HIVEP2: variants seen among roughly 807,000 people sequenced by gnomAD.
HIVEP2 encodes transcription factor HIVEP2.
A neutral mutation model predicts 180.7 loss-of-function variants in HIVEP2; 14 were observed. The ratio of observed to expected loss-of-function variants is 0.08; its 90% CI spans 0.05 to 0.12. HIVEP2 has a LOEUF of 0.12. HIVEP2 is among the 10% of genes least tolerant of loss of function. The probability of loss-of-function intolerance (pLI) is 1.00; values close to 1 mark genes in which losing one functional copy is unlikely to be tolerated. For synonymous variants in HIVEP2, 1,184 were observed against 1,136.4 expected, an observed-to-expected ratio of 1.04 and a Z score of -0.84; for missense variants, 2,579 against 3,008.5, an observed-to-expected ratio of 0.86 and a Z score of 3.34.
intron 1 of HIVEP2, among the ~76,000 whole-genome samples, chr6:142,881,032 G>GT (rs1425490282): frequency 6.6e-6 from 1 of 152,044 alleles, no homozygotes. Context: ...GAGGAAATAA[G>GT]TTTTTATCTT....
chr6:142,880,774 T>C (rs1776559446), intron 1 of HIVEP2, among the ~76,000 whole-genome samples: 1 of 152,108 alleles, frequency 6.6e-6, no homozygotes, highest in African/African-American at 2.4e-5. Flanking sequence ...ATTCCCTCCA[T>C]CCATCAATGC....
chr6:142,803,270 T>C (rs897273423), intron 2 of HIVEP2, among the ~76,000 whole-genome samples: 1 of 152,150 alleles, frequency 6.6e-6, no homozygotes, highest in African/African-American at 2.4e-5. Flanking sequence ...AGGATCTCTT[T>C]ACTTTAGTGG....
chr6:142,879,449 C>T (rs928921472), intron 1 of HIVEP2, among the ~76,000 whole-genome samples: 5 of 152,196 alleles, frequency 3.3e-5, no homozygotes, highest in African/African-American at 7.2e-5. Flanking sequence ...TCTGAGCTCC[C>T]GTTATAATAA....
chr6:142,772,424 A>C lies in HIVEP2; in HGVS notation c.2315T>G (p.Leu772Arg). Residue 772 changes from leucine (L) to arginine (R), a missense_variant, in exon 5 of 10, where the codon CTT becomes CGT. By Grantham distance (102) the Leu-to-Arg change is moderately radical. Coordinates refer to ENST00000367603, the MANE Select transcript of HIVEP2 (RefSeq NM_006734.4). The surrounding 1 kb of genome is among the most constrained non-coding windows in gnomAD (Gnocchi z 4.9). ...RPQLQPGSPS[L>R]VSEESPSAID... ...GGCTGAAGGTGACTCCTCTGACACAAGAGATGGACTTCCAGGCTGCAGTTG... is the reference window on the plus strand; with the variant it reads ...GGCTGAAGGTGACTCCTCTGACACACGAGATGGACTTCCAGGCTGCAGTTG... 1 of 1,614,224 alleles carries C rather than the reference A, an allele frequency of 6.2e-7. No individual in the cohort carries two copies. Among genetic ancestry groups the C allele is most frequent in the South Asian group, 1.1e-5 (1 of 91,090 alleles).
At chr6:142,887,877 G>T (rs1776744586) in intron 1 of HIVEP2, among the ~76,000 whole-genome samples, 1 of 151,436 alleles carries the variant, frequency 6.6e-6, no homozygotes, top group African/African-American at 2.4e-5. Context: ...GTAATCACCT[G>T]GTCACTAAAT....
chr6:142,838,441 C>A (rs1193516221), intron 1 of HIVEP2, among the ~76,000 whole-genome samples: 1 of 152,120 alleles, frequency 6.6e-6, no homozygotes, highest in African/African-American at 2.4e-5. Flanking sequence ...AATCAACAAA[C>A]ACAATCACCT....
Position 142,764,937 on chromosome 6 carries a change from G to A in HIVEP2, c.5380C>T (p.Arg1794Cys), listed in dbSNP as rs762868060. Reference sequence around the variant, plus strand: ...TCACAAATGTACTTTCCCCGGCCACGTCCTCTGACATATACATAATCTTCA... The same window carrying A: ...TCACAAATGTACTTTCCCCGGCCACATCCTCTGACATATACATAATCTTCA... ...SNEDYVYVRG[R>C]GRGKYICEEC... Residue 1794 changes from arginine to cysteine, a missense_variant, in exon 7 of 10, where the codon CGT (arginine) becomes TGT (cysteine). Arg to Cys is a radical substitution (Grantham distance 180, BLOSUM62 -3). Around this residue, in one of 11 missense-constraint regions of HIVEP2, gnomAD observed 21 missense variants for 86.8 expected, o/e 0.24. Transcript: ENST00000367603. 2.5e-6 allele frequency: 4 copies of A among 1,613,656 alleles called. No homozygotes were observed. Among genetic ancestry groups the A allele is most frequent in the Non-Finnish European group, 3.4e-6 (4 of 1,179,698 alleles).
chr6:142,933,176 A>G (rs1777980399), intron 1 of HIVEP2, among the ~76,000 whole-genome samples: 1 of 152,204 alleles, frequency 6.6e-6, no homozygotes. Flanking sequence ...GCATGTTCCA[A>G]AAGAACCTCA....
intron 1 of HIVEP2, among the ~76,000 whole-genome samples, chr6:142,864,052 A>C (rs1582923619): frequency 6.6e-6 from 1 of 152,126 alleles, no homozygotes; most frequent in African/African-American, 2.4e-5. Flanking sequence ...CTTTGCCCCT[A>C]CCATTGGAAA....
At chr6:142,822,165 C>T (rs556453733) in intron 2 of HIVEP2, among the ~76,000 whole-genome samples, 72 of 152,288 alleles carry the variant, frequency 4.7e-4, no homozygotes, top group African/African-American at 1.7e-3. Context: ...TGCAGTAAAA[C>T]ACAGGATTTC....
chr6:142,920,318 C>G (rs1488138780), intron 1 of HIVEP2, among the ~76,000 whole-genome samples: 1 of 152,184 alleles, frequency 6.6e-6, no homozygotes, highest in Non-Finnish European at 1.5e-5. Context: ...TCCAAAGGTT[C>G]GGCATGCAGA....
intron 1 of HIVEP2, among the ~76,000 whole-genome samples, chr6:142,853,917 A>G (rs570427322): frequency 2.0e-5 from 3 of 152,308 alleles, no homozygotes; most frequent in South Asian, 4.1e-4. Flanking sequence ...CCTAGAATTG[A>G]GGGCAAGAGA....
At chr6:142,805,220 G>A (rs1269286118) in intron 2 of HIVEP2, among the ~76,000 whole-genome samples, 1 of 152,128 alleles carries the variant, frequency 6.6e-6, no homozygotes, top group Non-Finnish European at 1.5e-5. Flanking sequence ...AAAGGAGCCA[G>A]GAGGGCCTGG....
rs774664770 is a variant in HIVEP2 at position 142,774,756 on chromosome 6, T to A, written c.-18A>T. ...GTGTCCATTTTGTTACACAAGGTCTTAAGTGCTAGTTCCCCTGAAAGCAGT... is the reference window on the plus strand; with the variant it reads ...GTGTCCATTTTGTTACACAAGGTCTAAAGTGCTAGTTCCCCTGAAAGCAGT... On this transcript the variant is annotated 5_prime_UTR_variant, in exon 5 of 10. Coordinates refer to ENST00000367603, the MANE Select transcript of HIVEP2 (RefSeq NM_006734.4). The surrounding 1 kb of genome is among the most constrained non-coding windows in gnomAD (Gnocchi z 5.1). The A allele has an allele frequency of 1.9e-6, 3 of 1,609,534 alleles. No homozygotes were observed. The highest frequency in any genetic ancestry group is 2.2e-5 in the South Asian group (2 of 90,350).
intron 1 of HIVEP2, among the ~76,000 whole-genome samples, chr6:142,880,322 C>T (rs1411451280): frequency 2.6e-5 from 4 of 152,206 alleles, no homozygotes; most frequent in Middle Eastern, 3.4e-3. Context: ...TTGCACCCTC[C>T]CCCAGATGGT....
chr6:142,836,546 T>C (rs901112735), intron 2 of HIVEP2, among the ~76,000 whole-genome samples: 1 of 152,162 alleles, frequency 6.6e-6, no homozygotes, highest in Non-Finnish European at 1.5e-5. Context: ...GCTAATTTAC[T>C]TCAAATGTTC....
At chr6:142,883,201 G>T (rs1004805567) in intron 1 of HIVEP2, among the ~76,000 whole-genome samples, 1 of 152,014 alleles carries the variant, frequency 6.6e-6, no homozygotes, top group Non-Finnish European at 1.5e-5. Context: ...GAGAGAGAAA[G>T]GGGGGAAAAG....
chr6:142,816,956 G>C (rs182253233), intron 2 of HIVEP2, among the ~76,000 whole-genome samples: 46 of 151,912 alleles, frequency 3.0e-4, no homozygotes, highest in Admixed American at 1.8e-3. Context: ...GGGAGGAGTG[G>C]GTGTTGAAGA....
intron 1 of HIVEP2, among the ~76,000 whole-genome samples, chr6:142,937,849 G>A (rs1778092418): frequency 6.6e-6 from 1 of 152,166 alleles, no homozygotes; most frequent in Non-Finnish European, 1.5e-5. Context: ...TTCTCAGGTT[G>A]GTTGTGAGGG....
Sources: allele counts gnomAD v4.1 joint callset (sites outside exome capture counted in the v4.1 genomes callset), GRCh38; gene constraint gnomAD v4.1.1; regional missense constraint gnomAD v4.1.1; non-coding constraint Gnocchi (gnomAD v3.1); transcripts MANE v1.5; gene names NCBI Gene and HGNC (gene_info 2026-07-23, HGNC 2026-07-21).